Variants in XKR9 observed in about 807,000 individuals in gnomAD.
XKR9 encodes the protein XK-related protein 9.
XKR9 carries 32 observed loss-of-function variants against 32.0 expected under a neutral mutation model. The observed-to-expected ratio is 1.00, with a 90% CI of 0.76 to 1.34. The LOEUF is 1.34. Ranked by LOEUF, XKR9 falls within the 40% of genes most tolerant of loss-of-function variation. The pLI is 0.00. For synonymous variants in XKR9, 168 were observed against 143.4 expected, an observed-to-expected ratio of 1.17 and a Z score of -1.22; for missense variants, 546 against 429.7, an observed-to-expected ratio of 1.27 and a Z score of -2.39.
At chr8:70,860,224 A>C in the XKR9 span, among the ~76,000 whole-genome samples, 7 of 152,216 alleles carry the variant, frequency 4.6e-5, no homozygotes, top group African/African-American at 1.7e-4. Flanking sequence ...TAGTATTTGG[A>C]GGTGGGGCCT....
the XKR9 span, among the ~76,000 whole-genome samples, chr8:71,055,739 T>C: frequency 6.6e-6 from 1 of 152,222 alleles, no homozygotes; most frequent in East Asian, 1.9e-4. Flanking sequence ...CTTTCCTTGC[T>C]GTTTTAACTG....
intron 4 of XKR9, among the ~76,000 whole-genome samples, chr8:70,727,507 TC>T (rs1480045875): frequency 2.6e-5 from 4 of 152,060 alleles, no homozygotes; most frequent in Admixed American, 2.6e-4. Flanking sequence ...TTCAGTCGAT[TC>T]TTCTTCCTCA....
chr8:70,944,772 A>G, the XKR9 span, among the ~76,000 whole-genome samples: 9 of 152,202 alleles, frequency 5.9e-5, no homozygotes, highest in Non-Finnish European at 1.3e-4. Flanking sequence ...AATGGAGAAG[A>G]TCATACAAGG....
intron 3 of XKR9, among the ~76,000 whole-genome samples, chr8:70,687,828 A>G (rs909441418): frequency 6.6e-6 from 1 of 152,072 alleles, no homozygotes; most frequent in Non-Finnish European, 1.5e-5. Context: ...TATGATTTCA[A>G]TCTTTTGAAA....
the XKR9 span, among the ~76,000 whole-genome samples, chr8:70,823,261 C>T: frequency 6.6e-6 from 1 of 152,176 alleles, no homozygotes; most frequent in African/African-American, 2.4e-5. Context: ...CTTTATTTTA[C>T]ATATTTGGCA....
At chr8:70,921,903 A>G in the XKR9 span, among the ~76,000 whole-genome samples, 2 of 152,208 alleles carry the variant, frequency 1.3e-5, no homozygotes, top group Admixed American at 1.3e-4. Flanking sequence ...GCTTAGGACT[A>G]GAAGAATTGA....
the XKR9 span, among the ~76,000 whole-genome samples, chr8:70,968,415 C>T: frequency 6.6e-6 from 1 of 152,184 alleles, no homozygotes; most frequent in Admixed American, 6.5e-5. Flanking sequence ...TCATCATTAC[C>T]CACCTTCTGA....
At chr8:70,881,368 C>T in the XKR9 span, among the ~76,000 whole-genome samples, 1 of 152,056 alleles carries the variant, frequency 6.6e-6, no homozygotes, top group Admixed American at 6.6e-5. Flanking sequence ...CCAATCTACC[C>T]ATCTGATGAA....
At chr8:70,885,689 C>T in the XKR9 span, among the ~76,000 whole-genome samples, 12 of 152,058 alleles carry the variant, frequency 7.9e-5, no homozygotes, top group Non-Finnish European at 1.6e-4. Context: ...CTCCGCCTCC[C>T]GGGATCACGC....
chr8:70,711,189 A>C (rs1050643869), intron 4 of XKR9, among the ~76,000 whole-genome samples: 1 of 152,350 alleles, frequency 6.6e-6, no homozygotes, highest in Admixed American at 6.5e-5. Flanking sequence ...AATGTAAATT[A>C]GTTCAGCCAT....
chr8:70,756,639 T>G (rs573479712), intron 2 of XKR9, among the ~76,000 whole-genome samples: 2 of 152,378 alleles, frequency 1.3e-5, no homozygotes, highest in South Asian at 2.1e-4. Context: ...TAGAATTGTT[T>G]TCTTAATTTC....
the XKR9 span, among the ~76,000 whole-genome samples, chr8:70,851,726 C>A: frequency 6.6e-6 from 1 of 152,146 alleles, no homozygotes; most frequent in African/African-American, 2.4e-5. Flanking sequence ...AACTGGCTAG[C>A]CATATGCAGA....
the XKR9 span, among the ~76,000 whole-genome samples, chr8:70,826,600 T>C: frequency 3.9e-5 from 6 of 152,172 alleles, no homozygotes; most frequent in Non-Finnish European, 7.4e-5. Context: ...AGAATTGTAA[T>C]AGCTTGGGCT....
At chr8:70,990,004 T>G in the XKR9 span, among the ~76,000 whole-genome samples, 1 of 152,226 alleles carries the variant, frequency 6.6e-6, no homozygotes, top group East Asian at 1.9e-4. Context: ...TGTTGTAGCA[T>G]GTATCAGAAC....
At chr8:70,756,262 A>G (rs990467601) in intron 2 of XKR9, among the ~76,000 whole-genome samples, 2 of 152,158 alleles carry the variant, frequency 1.3e-5, no homozygotes, top group African/African-American at 4.8e-5. Flanking sequence ...ACTGTTGATT[A>G]CTGTTGCTTT....
intron 3 of XKR9, among the ~76,000 whole-genome samples, chr8:70,695,354 A>G (rs62530779): frequency 0.36 from 33,337 of 92,438 alleles, 7,191 homozygotes; most frequent in Middle Eastern, 0.5. Flanking sequence ...CAGTCCCCAG[A>G]GTGTGATGTT....
At chr8:70,791,910 AT>A (rs372093516), downstream of XKR9, among the ~76,000 whole-genome samples, 2 of 152,212 alleles carry the variant, frequency 1.3e-5, no homozygotes, top group African/African-American at 4.8e-5. Flanking sequence ...CTCTACAAGA[AT>A]TTCTATAGAA....
chr8:70,707,201 T>C (rs1334681017), intron 4 of XKR9, 48 bp downstream of exon 4: 56 of 1,417,670 alleles, frequency 4.0e-5, no homozygotes, highest in Non-Finnish European at 5.0e-5. Flanking sequence ...ACTGAGACCT[T>C]ACGTCAACTA....
the XKR9 span, among the ~76,000 whole-genome samples, chr8:70,859,999 C>T: frequency 2.0e-5 from 3 of 152,070 alleles, no homozygotes; most frequent in South Asian, 2.1e-4. Flanking sequence ...TTGAAATGTT[C>T]CCAACACATA....
Sources: gnomAD v4.1 joint callset for allele counts (sites outside exome capture counted in the v4.1 genomes callset) on GRCh38, gnomAD v4.1.1 for gene constraint, MANE v1.5 for transcripts, NCBI Gene and HGNC (gene_info 2026-07-23, HGNC 2026-07-21) for gene names.